The following HACD2 variants were observed in gnomAD, a reference collection of about 807,000 sequenced individuals.
The protein encoded by HACD2 is very-long-chain (3R)-3-hydroxyacyl-CoA dehydratase 2.
In HACD2, 15 loss-of-function variants were observed where a neutral mutation model predicts 31.0. The observed-to-expected ratio is 0.48, with a 90% confidence interval of 0.32 to 0.75. The LOEUF (loss-of-function observed/expected upper bound fraction) is 0.75, where lower values mean the gene tolerates loss of function less well. HACD2 is among the 30% of genes least tolerant of loss of function. HACD2 has a pLI of 0.03. For synonymous variants in HACD2, 115 were observed against 122.2 expected, an observed-to-expected ratio of 0.94 and a Z score of 0.39; for missense variants, 283 against 313.0, an observed-to-expected ratio of 0.90 and a Z score of 0.72.
chr3:123,515,352 A>G (rs1417876554), intron 4 of HACD2, among the ~76,000 whole-genome samples: 7 of 152,174 alleles, frequency 4.6e-5, no homozygotes, highest in South Asian at 2.1e-4. Flanking sequence ...TCCTTTTCTC[A>G]TGTGTCTTAC....
At chr3:123,544,540 A>C (rs1287261986) in intron 3 of HACD2, among the ~76,000 whole-genome samples, 1 of 152,182 alleles carries the variant, frequency 6.6e-6, no homozygotes, top group Non-Finnish European at 1.5e-5. Context: ...GAAAGCTTTT[A>C]TTTCTTGTTA....
intron 1 of HACD2, 82 bp downstream of exon 1, chr3:123,584,791 C>T: frequency 8.7e-7 from 1 of 1,151,350 alleles, no homozygotes; most frequent in Non-Finnish European, 1.2e-6. Flanking sequence ...CGGGCCGCGC[C>T]GATCCTATCC....
At chr3:123,522,433 A>T (rs2720315) in intron 4 of HACD2, among the ~76,000 whole-genome samples, 82,761 of 151,920 alleles carry the variant, frequency 0.54, 25,271 homozygotes, top group Non-Finnish European at 0.69. Flanking sequence ...CTTCATACAC[A>T]GTACAAGGAA....
intron 4 of HACD2, among the ~76,000 whole-genome samples, chr3:123,505,047 T>G (rs1203396344): frequency 1.3e-5 from 2 of 152,210 alleles, no homozygotes; most frequent in Non-Finnish European, 2.9e-5. Flanking sequence ...CAGCGGGATA[T>G]TATTATATAC....
At chr3:123,552,693 GA>G (rs1336503543) in intron 3 of HACD2, among the ~76,000 whole-genome samples, 2 of 151,760 alleles carry the variant, frequency 1.3e-5, no homozygotes, top group Non-Finnish European at 2.9e-5. Flanking sequence ...TTTGGGCTAT[GA>G]AAAAAATACA....
intron 6 of HACD2, 101 bp from the exon 7 acceptor site, chr3:123,495,071 T>G: frequency 2.8e-6 from 2 of 715,920 alleles, no homozygotes; most frequent in Non-Finnish European, 4.6e-6. Flanking sequence ...TCTGACTAAT[T>G]TCTCATCCAG....
In HACD2 at chr3:123,502,652, A is replaced by G. The variant is rs778434780; in HGVS notation, c.411T>C (p.Phe137=). 6.2e-7 allele frequency: 1 copy of G among 1,605,712 alleles called. No homozygotes were observed. Among genetic ancestry groups the G allele is most frequent in the Non-Finnish European group, 8.5e-7 (1 of 1,175,956 alleles). The part of the protein sequence containing the change: ...EVQSEDSVLL[F]VIAWTITEII... ...TTTCCGTGATCGTCCATGCAATAAC[A>G]AACAGGAGGACACTGTCTTCACTCT... Residue 137 remains phenylalanine, a synonymous_variant, in exon 5 of 7, where the codon TTT becomes TTC. Coordinates refer to ENST00000383657, the MANE Select transcript of HACD2 (RefSeq NM_198402.5).
chr3:123,531,139 TA>T (rs1481245277), intron 3 of HACD2, among the ~76,000 whole-genome samples: 1 of 152,176 alleles, frequency 6.6e-6, no homozygotes, highest in African/African-American at 2.4e-5. Context: ...GTGCTGGGAT[TA>T]CAGGCGCTAA....
chr3:123,544,282 T>C (rs1016422438), intron 3 of HACD2, among the ~76,000 whole-genome samples: 2 of 152,158 alleles, frequency 1.3e-5, no homozygotes, highest in African/African-American at 2.4e-5. Flanking sequence ...AGAGCAATTA[T>C]AGCCCGCACC....
intron 3 of HACD2, among the ~76,000 whole-genome samples, chr3:123,558,961 A>C (rs2056699528): frequency 6.6e-6 from 1 of 152,186 alleles, no homozygotes; most frequent in African/African-American, 2.4e-5. Flanking sequence ...CATCAAGCAA[A>C]TCAAACTCAT....
intron 4 of HACD2, among the ~76,000 whole-genome samples, chr3:123,505,114 C>T (rs939123421): frequency 6.6e-6 from 1 of 152,288 alleles, no homozygotes; most frequent in Non-Finnish European, 1.5e-5. Context: ...CATGCTACAA[C>T]ATAGATGAAC....
At chr3:123,534,029 AGTGTGTGTGT>A (rs62840760) in intron 3 of HACD2, among the ~76,000 whole-genome samples, 1 of 149,858 alleles carries the variant, frequency 6.7e-6, no homozygotes, top group Non-Finnish European at 1.5e-5. Flanking sequence ...AACATAGTGG[AGTGTGTGTGT>A]GTGTGTGTGT....
chr3:123,500,560 C>T lies in HACD2; in HGVS notation c.637G>A (p.Asp213Asn). 1 of 1,611,370 alleles carries T rather than the reference C, an allele frequency of 6.2e-7. No individual in the cohort carries two copies. The highest frequency in any genetic ancestry group is 8.5e-7 in the Non-Finnish European group (1 of 1,177,678). ...ATTAGAATCAGGAATGCATAGTAGTCAAAAGAGAAATTGTATTTGTTGGGT... is the reference window on the plus strand; with the variant it reads ...ATTAGAATCAGGAATGCATAGTAGTTAAAAGAGAAATTGTATTTGTTGGGT... The part of the protein sequence containing the change: ...SLPNKYNFSF[D>N]YYAFLILIMI... Residue 213 changes from aspartate to asparagine, a missense_variant, in exon 6 of 7, where the codon GAC becomes AAC. Physicochemically the swap from Asp to Asn is conservative, Grantham distance 23 (BLOSUM62 1). This residue lies in a region of HACD2 where 85 missense variants were observed against 129.6 expected (regional missense o/e 0.66). Coordinates refer to ENST00000383657, the MANE Select transcript of HACD2 (RefSeq NM_198402.5).
chr3:123,504,811 C>G (rs1317411902), intron 4 of HACD2, among the ~76,000 whole-genome samples: 1 of 152,176 alleles, frequency 6.6e-6, no homozygotes, highest in Non-Finnish European at 1.5e-5. Context: ...ACATTGTTAT[C>G]AAGAAGGGAT....
intron 3 of HACD2, among the ~76,000 whole-genome samples, chr3:123,534,547 G>A (rs2056402795): frequency 6.6e-6 from 1 of 151,888 alleles, no homozygotes; most frequent in African/African-American, 2.4e-5. Context: ...GATAATAAAC[G>A]ACTATGTAAC....
intron 3 of HACD2, among the ~76,000 whole-genome samples, chr3:123,540,950 A>G (rs1008125332): frequency 1.3e-5 from 2 of 152,216 alleles, no homozygotes; most frequent in Admixed American, 6.5e-5. Flanking sequence ...ATACTTTTGA[A>G]AACTTTTTTA....
chr3:123,498,677 T>C (rs2055864807), intron 6 of HACD2, among the ~76,000 whole-genome samples: 1 of 152,202 alleles, frequency 6.6e-6, no homozygotes, highest in Non-Finnish European at 1.5e-5. Flanking sequence ...AAAGCTGTCT[T>C]CCATGAAACC....
intron 3 of HACD2, among the ~76,000 whole-genome samples, chr3:123,537,053 G>C (rs969053026): frequency 1.3e-5 from 2 of 152,018 alleles, no homozygotes; most frequent in Non-Finnish European, 2.9e-5. Flanking sequence ...ATAATATTAA[G>C]ACTAAACAAT....
chr3:123,502,767 G>GT, intron 4 of HACD2, 86 bp from the exon 5 acceptor site: 1 of 1,404,444 alleles, frequency 7.1e-7, no homozygotes, highest in South Asian at 1.3e-5. Flanking sequence ...GCCAGGGAGT[G>GT]AGTCGGCACA....
Sources: allele counts gnomAD v4.1 joint callset (sites outside exome capture counted in the v4.1 genomes callset), GRCh38; gene constraint gnomAD v4.1.1; regional missense constraint gnomAD v4.1.1; transcripts MANE v1.5; gene names NCBI Gene and HGNC (gene_info 2026-07-23, HGNC 2026-07-21).